Variants in SGCD observed in about 807,000 individuals in gnomAD.
The protein encoded by SGCD is delta-sarcoglycan.
Under a neutral mutation model 36.6 loss-of-function variants are expected in SGCD, and 18 were observed. That is an observed-to-expected ratio of 0.49 (90% CI 0.34 to 0.73). SGCD has a LOEUF of 0.73. Ranked by LOEUF, SGCD falls within the 30% of genes least tolerant of loss-of-function variation. The pLI is 0.01. For missense variants in SGCD, 387 were observed against 346.7 expected (o/e 1.12, Z -0.92); for synonymous variants, 133 against 130.6 (o/e 1.02, Z -0.12).
chr5:156,474,192 C>T (rs1755085846), intron 3 of SGCD, among the ~76,000 whole-genome samples: 1 of 152,022 alleles, frequency 6.6e-6, no homozygotes, highest in Admixed American at 6.6e-5. Context: ...TGCTAAACAC[C>T]CACAGGACAG....
chr5:156,377,205 T>C (rs1770718889), intron 3 of SGCD, among the ~76,000 whole-genome samples: 1 of 152,216 alleles, frequency 6.6e-6, no homozygotes, highest in Admixed American at 6.5e-5. Flanking sequence ...CTGATAAGCA[T>C]CTTAATATTG....
chr5:155,894,895 G>A (rs535987366), intron 1 of SGCD, among the ~76,000 whole-genome samples: 13 of 152,212 alleles, frequency 8.5e-5, no homozygotes, highest in African/African-American at 2.6e-4. Context: ...TAAACGTAAT[G>A]TGCTTGACTC....
At chr5:156,706,604 C>G (rs1283337634) in intron 7 of SGCD, among the ~76,000 whole-genome samples, 1 of 152,044 alleles carries the variant, frequency 6.6e-6, no homozygotes, top group Non-Finnish European at 1.5e-5. Context: ...TTCTTGAAAT[C>G]TTGACACTTT....
At chr5:156,151,105 A>C (rs1762823479) in intron 3 of SGCD, among the ~76,000 whole-genome samples, 1 of 151,700 alleles carries the variant, frequency 6.6e-6, no homozygotes. Flanking sequence ...CATCAGGGGG[A>C]GCCAATGGAG....
the SGCD span, among the ~76,000 whole-genome samples, chr5:155,740,528 G>A: frequency 6.6e-6 from 1 of 152,062 alleles, no homozygotes; most frequent in African/African-American, 2.4e-5. Context: ...CTTTAAAAGA[G>A]GGCAGTCAGG....
At chr5:156,402,792 G>A (rs2127763548) in intron 3 of SGCD, among the ~76,000 whole-genome samples, 1 of 152,290 alleles carries the variant, frequency 6.6e-6, no homozygotes, top group African/African-American at 2.4e-5. Flanking sequence ...AGTTCTACTT[G>A]GACGAGCTTG....
chr5:156,607,984 CA>C (rs768456913), intron 6 of SGCD, among the ~76,000 whole-genome samples: 1 of 151,872 alleles, frequency 6.6e-6, no homozygotes, highest in African/African-American at 2.4e-5. Context: ...TTGATCTTTT[CA>C]AAAAAACAGC....
intron 3 of SGCD, among the ~76,000 whole-genome samples, chr5:156,378,538 G>A (rs1259552140): frequency 6.6e-6 from 1 of 152,058 alleles, no homozygotes; most frequent in Non-Finnish European, 1.5e-5. Flanking sequence ...GTTGTGTCTA[G>A]CATTTTATAA....
upstream of SGCD, among the ~76,000 whole-genome samples, chr5:155,865,560 A>G (rs1046113328): frequency 1.4e-4 from 21 of 152,182 alleles, no homozygotes; most frequent in Admixed American, 1.3e-3. Context: ...GTGGAATCTG[A>G]GATATATTCA....
At chr5:156,107,108 C>T (rs1761667648) in intron 1 of SGCD, among the ~76,000 whole-genome samples, 4 of 152,108 alleles carry the variant, frequency 2.6e-5, no homozygotes, top group Non-Finnish European at 5.9e-5. Flanking sequence ...TTCTGCCTAG[C>T]ATTATTTTTC....
intron 3 of SGCD, among the ~76,000 whole-genome samples, chr5:156,497,044 A>T (rs1034119861): frequency 6.6e-6 from 1 of 152,150 alleles, no homozygotes; most frequent in African/African-American, 2.4e-5. Context: ...GAAGAGCATG[A>T]GCCTTAGAAA....
chr5:156,638,805 A>G (rs1323667931), intron 6 of SGCD, among the ~76,000 whole-genome samples: 1 of 152,074 alleles, frequency 6.6e-6, no homozygotes, highest in African/African-American at 2.4e-5. Context: ...TTGTCTCTTC[A>G]TATCTTGCCA....
chr5:156,022,250 G>C (rs1759120998), intron 1 of SGCD, among the ~76,000 whole-genome samples: 1 of 151,882 alleles, frequency 6.6e-6, no homozygotes, highest in Non-Finnish European at 1.5e-5. Flanking sequence ...AATACATTTT[G>C]GTAATATTTT....
chr5:155,940,883 AC>A (rs906170706), intron 1 of SGCD, among the ~76,000 whole-genome samples: 9 of 151,556 alleles, frequency 5.9e-5, no homozygotes, highest in Non-Finnish European at 8.8e-5. Flanking sequence ...AACAAAAAAA[AC>A]ATTAACTAGT....
intron 3 of SGCD, among the ~76,000 whole-genome samples, chr5:156,397,057 G>C (rs1328147399): frequency 6.6e-6 from 1 of 152,166 alleles, no homozygotes; most frequent in Non-Finnish European, 1.5e-5. Flanking sequence ...GGGTCACAAA[G>C]GAGCCCTGGA....
At chr5:156,323,214 G>A (rs1580819723), upstream of SGCD, among the ~76,000 whole-genome samples, 1 of 152,184 alleles carries the variant, frequency 6.6e-6, no homozygotes, top group Admixed American at 6.5e-5. Context: ...TGCATCAATA[G>A]AAGTATAGCT....
At chr5:156,334,889 A>G (rs551166138) in intron 2 of SGCD, among the ~76,000 whole-genome samples, 51 of 152,248 alleles carry the variant, frequency 3.3e-4, no homozygotes, top group African/African-American at 1.1e-3. Context: ...ATATACGTCT[A>G]TGATAATTCT....
chr5:156,063,796 C>G lies in SGCD; in HGVS notation c.-281-54082C>G, dbSNP rs1581072332. ...TGTACATTGATTTTGTATCCTGAGA[C>G]TTTGCTGAAGTTGCTTATCAGCTTA... On this transcript the variant is annotated intron_variant, in intron 1 of 9. Coordinates refer to the SGCD transcript ENST00000517913. Among the ~76,000 whole-genome samples the G allele has an allele frequency of 2.1e-4, 3 of 14,210 alleles. No individual in the cohort carries two copies. In the South Asian group the frequency reaches 6.4e-3, roughly 30 times the overall value. 9.3% of individuals were successfully genotyped at this position (14,210 alleles called of 152,430 possible).
intron 1 of SGCD, among the ~76,000 whole-genome samples, chr5:155,879,086 A>C (rs528742163): frequency 6.6e-5 from 10 of 152,254 alleles, no homozygotes; most frequent in Non-Finnish European, 1.5e-4. Context: ...ACTTAAAAAA[A>C]AAAAGTATTT....
Sources: gnomAD v4.1 joint callset for allele counts (sites outside exome capture counted in the v4.1 genomes callset) on GRCh38, gnomAD v4.1.1 for gene constraint, MANE v1.5 for transcripts, NCBI Gene and HGNC (gene_info 2026-07-23, HGNC 2026-07-21) for gene names.